PTPRD: variants seen among roughly 807,000 people sequenced by gnomAD.
PTPRD encodes protein tyrosine phosphatase receptor type D, also known as receptor-type tyrosine-protein phosphatase delta.
PTPRD carries 34 observed loss-of-function variants against 214.5 expected under a neutral mutation model. That is an observed-to-expected ratio of 0.16 (90% CI 0.12 to 0.21). PTPRD has a LOEUF of 0.21. PTPRD is among the 10% of genes least tolerant of loss of function. PTPRD has a pLI of 1.00. For synonymous variants in PTPRD, 1,128 were observed against 845.7 expected (o/e 1.33, Z -5.79); for missense variants, 2,545 against 2,398.7 (o/e 1.06, Z -1.27).
chr9:8,913,297 T>G (rs1159774053), intron 11 of PTPRD, among the ~76,000 whole-genome samples: 1 of 152,146 alleles, frequency 6.6e-6, no homozygotes, highest in East Asian at 1.9e-4. Context: ...AGATAAAACG[T>G]GAGTATTCCT....
intron 3 of PTPRD, among the ~76,000 whole-genome samples, chr9:10,170,553 G>A (rs1003456898): frequency 3.3e-5 from 5 of 152,010 alleles, no homozygotes; most frequent in Non-Finnish European, 7.4e-5. Flanking sequence ...CAGGCGTGGT[G>A]GCAGGCGCCT....
intron 9 of PTPRD, among the ~76,000 whole-genome samples, chr9:9,355,249 A>G (rs768150275): frequency 1.3e-5 from 2 of 151,666 alleles, no homozygotes; most frequent in Admixed American, 1.3e-4. Flanking sequence ...TGGACAAATA[A>G]TTATATATTA....
chr9:10,599,969 T>C lies in PTPRD; in HGVS notation c.-600+12429A>G, dbSNP rs543737916. The stretch of plus-strand genomic sequence containing the variant: ...TTTAGATGATAGGAATATTTTACTA[T>C]TGATAATATTGACATTTTCATAATT... On this transcript the variant is annotated intron_variant, in intron 2 of 45. Transcript: ENST00000381196. Among the ~76,000 whole-genome samples the C allele has an allele frequency of 3.3e-5, 5 of 151,902 alleles. No homozygotes were observed. In the East Asian group the frequency reaches 9.7e-4, roughly 30 times the overall value.
In PTPRD at chr9:9,226,329, G is replaced by A. The variant is rs577353864; in HGVS notation, c.-202-42966C>T. Reference sequence around the variant, plus strand: ...ATTTGGATGAAAAATCTAATATCAGGGGATTAAAGCAAATTTTACTTTTAC... The same window carrying A: ...ATTTGGATGAAAAATCTAATATCAGAGGATTAAAGCAAATTTTACTTTTAC... On this transcript the variant is annotated intron_variant, in intron 9 of 45. Transcript: ENST00000381196. Among the ~76,000 whole-genome samples the A allele has an allele frequency of 2.6e-5, 4 of 151,762 alleles. No homozygotes were observed. In the South Asian group the frequency reaches 8.3e-4, roughly 32 times the overall value.
intron 14 of PTPRD, among the ~76,000 whole-genome samples, chr9:8,621,265 T>C (rs549854415): frequency 6.6e-6 from 1 of 152,070 alleles, no homozygotes; most frequent in East Asian, 2.0e-4. Flanking sequence ...TTCATCTCAC[T>C]GGAGGACACA....
At chr9:9,435,558 T>A (rs1361657573) in intron 8 of PTPRD, among the ~76,000 whole-genome samples, 1 of 152,126 alleles carries the variant, frequency 6.6e-6, no homozygotes, top group East Asian at 1.9e-4. Flanking sequence ...TAAGGATTTG[T>A]TTTATTACAC....
intron 14 of PTPRD, among the ~76,000 whole-genome samples, chr9:8,544,889 CTTTTT>C (rs869280997): frequency 2.5e-5 from 3 of 118,724 alleles, no homozygotes; most frequent in East Asian, 2.6e-4. Context: ...AAAGACAGTC[CTTTTT>C]TTTTTTTTTT....
intron 12 of PTPRD, among the ~76,000 whole-genome samples, chr9:8,647,227 C>T (rs1018824204): frequency 6.6e-6 from 1 of 152,140 alleles, no homozygotes; most frequent in African/African-American, 2.4e-5. Context: ...GCTCTCTTCC[C>T]CTCTACCACC....
chr9:10,592,654 CTG>C (rs1330917538), intron 2 of PTPRD, among the ~76,000 whole-genome samples: 2 of 151,882 alleles, frequency 1.3e-5, no homozygotes, highest in African/African-American at 4.8e-5. Flanking sequence ...AATCAGCACT[CTG>C]TAGCTAGCAA....
intron 4 of PTPRD, among the ~76,000 whole-genome samples, chr9:9,965,954 C>G (rs560085018): frequency 6.6e-6 from 1 of 152,276 alleles, no homozygotes; most frequent in African/African-American, 2.4e-5. Context: ...TGTATGCATG[C>G]TCTCTTTTGT....
chr9:9,902,517 G>T (rs1423255663), intron 5 of PTPRD, among the ~76,000 whole-genome samples: 1 of 151,950 alleles, frequency 6.6e-6, no homozygotes, highest in Non-Finnish European at 1.5e-5. Context: ...TAGAAATTTG[G>T]TCTCAAGATA....
chr9:8,721,378 C>T (rs1170363028), intron 12 of PTPRD, among the ~76,000 whole-genome samples: 6 of 145,400 alleles, frequency 4.1e-5, no homozygotes, highest in African/African-American at 1.0e-4. Context: ...TGCAGTGAGC[C>T]GAGATCACAC....
intron 2 of PTPRD, among the ~76,000 whole-genome samples, chr9:10,512,523 G>C (rs769757057): frequency 6.6e-6 from 1 of 152,114 alleles, no homozygotes; most frequent in Non-Finnish European, 1.5e-5. Context: ...GGGGAATGGA[G>C]CTTAGACAAA....
intron 11 of PTPRD, among the ~76,000 whole-genome samples, chr9:8,881,906 G>A (rs907116050): frequency 2.6e-5 from 4 of 152,176 alleles, no homozygotes; most frequent in African/African-American, 9.7e-5. Flanking sequence ...TTACTCGGAG[G>A]AAAGAAAGGA....
intron 7 of PTPRD, among the ~76,000 whole-genome samples, chr9:9,581,611 AAAT>A (rs2090793901): frequency 6.6e-6 from 1 of 151,728 alleles, no homozygotes; most frequent in African/African-American, 2.4e-5. Flanking sequence ...TGCAATAAAG[AAAT>A]AATAACTGGA....
chr9:8,551,746 A>G (rs2082165942), intron 14 of PTPRD, among the ~76,000 whole-genome samples: 1 of 152,216 alleles, frequency 6.6e-6, no homozygotes, highest in Non-Finnish European at 1.5e-5. Flanking sequence ...TCCAAACATA[A>G]TGAAGAAAGT....
At chr9:9,696,828 T>G (rs926761621) in intron 7 of PTPRD, among the ~76,000 whole-genome samples, 14 of 152,094 alleles carry the variant, frequency 9.2e-5, no homozygotes, top group African/African-American at 3.4e-4. Flanking sequence ...GGTAAAGATT[T>G]ACTATTGCAA....
chr9:8,732,281 G>A (rs186370186), intron 12 of PTPRD, among the ~76,000 whole-genome samples: 12 of 152,232 alleles, frequency 7.9e-5, no homozygotes, highest in Non-Finnish European at 1.3e-4. Context: ...TAACTTCATG[G>A]ACGTACAATA....
At position 8,830,803 on chromosome 9, in the gene PTPRD, G is replaced by C. The variant is rs531944143; in HGVS notation, c.-103-96857C>G. The stretch of plus-strand genomic sequence containing the variant: ...ATTTGGGGAAAGGGCATACGTGATG[G>C]TGAAATCATTGCTTAAAGAAATCCC... On this transcript the variant is annotated intron_variant, in intron 11 of 45. Coordinates refer to ENST00000381196, the MANE Select transcript of PTPRD (RefSeq NM_002839.4). 7.2e-5 allele frequency among the ~76,000 whole-genome samples: 11 copies of C among 152,260 alleles called. No individual in the cohort carries two copies. The South Asian group carries it at 2.3e-3, about 32-fold the overall frequency.
Sources: gnomAD v4.1 joint callset for allele counts (sites outside exome capture counted in the v4.1 genomes callset) on GRCh38, gnomAD v4.1.1 for gene constraint, MANE v1.5 for transcripts, NCBI Gene and HGNC (gene_info 2026-07-23, HGNC 2026-07-21) for gene names.